Variants in BBX observed in about 807,000 individuals in gnomAD.
BBX encodes the protein BBX high mobility group box domain containing.
Under a neutral mutation model 100.2 loss-of-function variants are expected in BBX, and 30 were observed. That is an observed-to-expected ratio of 0.30 (90% CI 0.22 to 0.41). The LOEUF (loss-of-function observed/expected upper bound fraction) is 0.41. Among genes scored for constraint, BBX ranks in the 10% least tolerant of loss-of-function variants. BBX has a pLI of 1.00. For synonymous variants in BBX, 376 were observed against 388.1 expected, an observed-to-expected ratio of 0.97 and a Z score of 0.37; for missense variants, 1,023 against 1,129.8, an observed-to-expected ratio of 0.91 and a Z score of 1.35.
intron 2 of BBX, chr3:107,526,878 GGGTGGGGAAA>G (rs1236014276): frequency 6.6e-6 from 1 of 152,198 alleles, no homozygotes; most frequent in African/African-American, 2.4e-5. Context: ...GTTACTTTTG[GGGTGGGGAAA>G]GGTGGGATTG....
At chr3:107,644,501 T>C (rs1471276134) in intron 2 of BBX, among the ~76,000 whole-genome samples, 1 of 152,212 alleles carries the variant, frequency 6.6e-6, no homozygotes, top group Non-Finnish European at 1.5e-5. Flanking sequence ...AGTATGTGAA[T>C]GTGATAGTAT....
intron 5 of BBX, among the ~76,000 whole-genome samples, chr3:107,717,522 T>C (rs2062191260): frequency 6.6e-6 from 1 of 152,178 alleles, no homozygotes; most frequent in African/African-American, 2.4e-5. Flanking sequence ...TAGGTAGTGC[T>C]GCATGAATAT....
intron 3 of BBX, among the ~76,000 whole-genome samples, chr3:107,657,744 A>G (rs770157584): frequency 6.6e-6 from 1 of 152,096 alleles, no homozygotes; most frequent in Non-Finnish European, 1.5e-5. Context: ...ATGGCATTAT[A>G]TTTAGGATGT....
chr3:107,592,939 G>A (rs927911593), intron 2 of BBX, among the ~76,000 whole-genome samples: 2 of 152,118 alleles, frequency 1.3e-5, no homozygotes, highest in African/African-American at 4.8e-5. Flanking sequence ...TTTCTATACA[G>A]AAGTAAAGAA....
chr3:107,561,690 A>T (rs2050512179), intron 2 of BBX, among the ~76,000 whole-genome samples: 1 of 152,240 alleles, frequency 6.6e-6, no homozygotes, highest in Non-Finnish European at 1.5e-5. Flanking sequence ...ACTCAAAAAT[A>T]TGACAATATC....
chr3:107,552,041 G>A (rs933349677), intron 2 of BBX, among the ~76,000 whole-genome samples: 9 of 152,012 alleles, frequency 5.9e-5, no homozygotes, highest in Non-Finnish European at 1.2e-4. Context: ...TTAGTACAGC[G>A]TTAAAGGATT....
chr3:107,772,772 C>G lies in BBX; in HGVS notation c.1051C>G (p.Gln351Glu). The G allele has an allele frequency of 6.2e-7, 1 of 1,612,718 alleles. No homozygotes were observed. The highest frequency in any genetic ancestry group is 8.5e-7 in the Non-Finnish European group (1 of 1,179,700). The change falls in exon 11 of 18, where the codon CAG becomes GAG. Residue 351 changes from glutamine to glutamate, a missense_variant. This residue lies in a region of BBX where 348 missense variants were observed against 353.2 expected (regional missense o/e 0.99). Transcript: ENST00000325805. ...GGAGAAAACAGATGAAACTAGGTTACAGAAGGAAGCAGAATTTGAAAAATC... is the reference window on the plus strand; with the variant it reads ...GGAGAAAACAGATGAAACTAGGTTAGAGAAGGAAGCAGAATTTGAAAAATC... ...KMEKTDETRL[Q>E]KEAEFEKSAK... is the part of the protein sequence containing the mutation.
intron 3 of BBX, among the ~76,000 whole-genome samples, chr3:107,672,230 A>T (rs957446537): frequency 6.6e-6 from 1 of 152,052 alleles, no homozygotes; most frequent in Non-Finnish European, 1.5e-5. Flanking sequence ...TATGTTAATT[A>T]TATAACTGTT....
intron 2 of BBX, among the ~76,000 whole-genome samples, chr3:107,634,361 C>G (rs2056731803): frequency 6.6e-6 from 1 of 152,082 alleles, no homozygotes; most frequent in Non-Finnish European, 1.5e-5. Flanking sequence ...ATTCTCAGCT[C>G]TATGTAGAAT....
chr3:107,633,537 A>G (rs1171852739), intron 2 of BBX, among the ~76,000 whole-genome samples: 1 of 152,206 alleles, frequency 6.6e-6, no homozygotes, highest in Non-Finnish European at 1.5e-5. Flanking sequence ...GCCTGCGGAC[A>G]TGATTGATTT....
At chr3:107,651,832 A>AT (rs2107810829) in intron 3 of BBX, among the ~76,000 whole-genome samples, 1 of 151,978 alleles carries the variant, frequency 6.6e-6, no homozygotes, top group East Asian at 1.9e-4. Flanking sequence ...GGATGCTTGA[A>AT]TTTCTCAACC....
At chr3:107,610,453 C>T (rs754916271) in intron 2 of BBX, among the ~76,000 whole-genome samples, 21 of 151,944 alleles carry the variant, frequency 1.4e-4, no homozygotes, top group Non-Finnish European at 2.5e-4. Flanking sequence ...TTGAAGTCTG[C>T]AGCTCTTATT....
chr3:107,690,249 C>T (rs2060075229), intron 3 of BBX, among the ~76,000 whole-genome samples: 2 of 152,112 alleles, frequency 1.3e-5, no homozygotes, highest in Admixed American at 1.3e-4. Flanking sequence ...CATGGGCTCA[C>T]TTTTAGCATA....
At chr3:107,595,173 G>A (rs573683632) in intron 2 of BBX, among the ~76,000 whole-genome samples, 1 of 152,296 alleles carries the variant, frequency 6.6e-6, no homozygotes, top group East Asian at 1.9e-4. Flanking sequence ...TTCATCTGCT[G>A]CCTTTGTGAC....
intron 10 of BBX, among the ~76,000 whole-genome samples, chr3:107,765,304 C>T (rs1381264263): frequency 6.6e-6 from 1 of 152,128 alleles, no homozygotes; most frequent in Non-Finnish European, 1.5e-5. Flanking sequence ...GTAATTTTAG[C>T]ATACACATTT....
chr3:107,548,520 T>C (rs1032267982), intron 2 of BBX, among the ~76,000 whole-genome samples: 1 of 152,134 alleles, frequency 6.6e-6, no homozygotes, highest in Non-Finnish European at 1.5e-5. Flanking sequence ...TGGTTAGTAG[T>C]ATACATTTAA....
intron 3 of BBX, among the ~76,000 whole-genome samples, chr3:107,689,304 C>A (rs2108057307): frequency 6.6e-6 from 1 of 152,214 alleles, no homozygotes; most frequent in Admixed American, 6.5e-5. Flanking sequence ...TGTAGAGTGC[C>A]CTTCCCTTAC....
At chr3:107,633,465 A>G (rs2056668734) in intron 2 of BBX, among the ~76,000 whole-genome samples, 2 of 152,216 alleles carry the variant, frequency 1.3e-5, no homozygotes, top group Admixed American at 6.5e-5. Context: ...TTGAAAATTT[A>G]TTACTGCACT....
intron 2 of BBX, among the ~76,000 whole-genome samples, chr3:107,564,316 ATATT>A (rs1559816279): frequency 6.6e-6 from 1 of 151,116 alleles, no homozygotes; most frequent in Non-Finnish European, 1.5e-5. Context: ...TGTTAGACAT[ATATT>A]TATATGGCAA....
Sources: gnomAD v4.1 joint callset for allele counts (sites outside exome capture counted in the v4.1 genomes callset) on GRCh38, gnomAD v4.1.1 for gene constraint, gnomAD v4.1.1 regional missense constraint, MANE v1.5 for transcripts, NCBI Gene and HGNC (gene_info 2026-07-23, HGNC 2026-07-21) for gene names.